Variants in PIBF1 observed in about 807,000 individuals in gnomAD.
PIBF1 encodes progesterone-induced-blocking factor 1.
In PIBF1, 90 loss-of-function variants were observed where a neutral mutation model predicts 112.5. That is an observed-to-expected ratio of 0.80 (90% CI 0.67 to 0.95). PIBF1 has a LOEUF of 0.95. Ranked by LOEUF, PIBF1 falls within the 40% of genes least tolerant of loss-of-function variation. The pLI is 0.00. For missense variants in PIBF1, 915 were observed against 852.3 expected, an observed-to-expected ratio of 1.07 and a Z score of -0.92; for synonymous variants, 301 against 288.6, an observed-to-expected ratio of 1.04 and a Z score of -0.44.
chr13:72,868,381 T>A (rs1200965417), intron 10 of PIBF1, among the ~76,000 whole-genome samples: 1 of 152,078 alleles, frequency 6.6e-6, no homozygotes, highest in Non-Finnish European at 1.5e-5. Flanking sequence ...CCTAGTCTGA[T>A]AGGCTATCCA....
chr13:72,936,760 GT>G (rs201756852), intron 14 of PIBF1, among the ~76,000 whole-genome samples: 1 of 150,658 alleles, frequency 6.6e-6, no homozygotes, highest in African/African-American at 2.4e-5. Flanking sequence ...TTAGCTGGGT[GT>G]TTTTTTTGCA....
chr13:72,914,976 A>G (rs2041031174), intron 12 of PIBF1, among the ~76,000 whole-genome samples: 1 of 152,198 alleles, frequency 6.6e-6, no homozygotes, highest in Admixed American at 6.5e-5. Context: ...TGCATCTCAG[A>G]TTTAATCACC....
intron 10 of PIBF1, among the ~76,000 whole-genome samples, chr13:72,878,031 A>G (rs113160329): frequency 0.022 from 3,344 of 151,954 alleles, 134 homozygotes; most frequent in African/African-American, 0.076. Flanking sequence ...TTACAGGTGT[A>G]AGTCACCATG....
At chr13:72,802,997 G>A (rs1243542317) in intron 5 of PIBF1, among the ~76,000 whole-genome samples, 1 of 152,154 alleles carries the variant, frequency 6.6e-6, no homozygotes, top group Non-Finnish European at 1.5e-5. Flanking sequence ...CTGTTGATAG[G>A]TACAGTTAGA....
intron 11 of PIBF1, among the ~76,000 whole-genome samples, chr13:72,903,968 T>G (rs1204127350): frequency 6.6e-6 from 1 of 152,198 alleles, no homozygotes; most frequent in Non-Finnish European, 1.5e-5. Context: ...TTATGCTCAG[T>G]ACCAATTCAT....
chr13:72,837,525 C>CA (rs2037414742), intron 9 of PIBF1, among the ~76,000 whole-genome samples: 1 of 151,954 alleles, frequency 6.6e-6, no homozygotes, highest in Admixed American at 6.6e-5. Flanking sequence ...TATAAAATAA[C>CA]AGATGTTAAG....
chr13:72,933,096 T>TAAAC (rs989235206), intron 14 of PIBF1, among the ~76,000 whole-genome samples: 1 of 133,560 alleles, frequency 7.5e-6, no homozygotes, highest in Admixed American at 7.6e-5. Flanking sequence ...GAAAAGATAA[T>TAAAC]AAACAAACAA....
chr13:72,891,162 C>T (rs2040040673), intron 10 of PIBF1, among the ~76,000 whole-genome samples: 1 of 151,992 alleles, frequency 6.6e-6, no homozygotes, highest in African/African-American at 2.4e-5. Flanking sequence ...TTTCAGGTGC[C>T]ATGTAATGAA....
At position 72,937,438 on chromosome 13, in the gene PIBF1, T is replaced by C. The variant is rs141195989; in HGVS notation, c.1833+6171T>C. Among the ~76,000 whole-genome samples the C allele has an allele frequency of 2.7e-3, 407 of 152,344 alleles. 2 individuals carry two copies. The highest frequency in any genetic ancestry group is 5.0e-3 in the Non-Finnish European group (342 of 68,030). On this transcript the variant is annotated intron_variant, in intron 14 of 17. Coordinates refer to ENST00000326291, the MANE Select transcript of PIBF1 (RefSeq NM_006346.4). ...CCTTACAACAGTATTCTTCTATTTG[T>C]TCCCCCAGCCTTTGTGTTCTTGTTG...
chr13:72,899,126 G>A (rs529196066), intron 11 of PIBF1, among the ~76,000 whole-genome samples: 123 of 152,004 alleles, frequency 8.1e-4, no homozygotes, highest in African/African-American at 2.8e-3. Flanking sequence ...AGATTGAAAC[G>A]GTAATTTAAA....
chr13:72,881,370 A>G (rs1288296490), intron 10 of PIBF1, among the ~76,000 whole-genome samples: 1 of 152,208 alleles, frequency 6.6e-6, no homozygotes, highest in East Asian at 1.9e-4. Flanking sequence ...AAAATAAATT[A>G]AGAAAGTATT....
At chr13:72,899,546 C>A (rs769256999) in intron 11 of PIBF1, among the ~76,000 whole-genome samples, 1 of 152,106 alleles carries the variant, frequency 6.6e-6, no homozygotes, top group Admixed American at 6.6e-5. Context: ...GCAGAAACAG[C>A]GTTAGACAAA....
At chr13:72,919,005 A>G (rs191341494) in intron 13 of PIBF1, among the ~76,000 whole-genome samples, 4 of 152,250 alleles carry the variant, frequency 2.6e-5, no homozygotes, top group Admixed American at 1.3e-4. Context: ...CGCCGTGCCA[A>G]CTACATCTTA....
At chr13:72,826,945 T>C (rs569545462) in intron 6 of PIBF1, 65 bp from the exon 7 acceptor site, 2 of 883,258 alleles carry the variant, frequency 2.3e-6, no homozygotes, top group East Asian at 2.7e-5. Flanking sequence ...AGTCAACCCT[T>C]TTAAAGTGTA....
intron 17 of PIBF1, among the ~76,000 whole-genome samples, chr13:73,007,624 A>G (rs1381434592): frequency 1.3e-5 from 2 of 152,188 alleles, no homozygotes; most frequent in African/African-American, 4.8e-5. Context: ...AGCCTGACCA[A>G]CATGGAGAAA....
At chr13:72,878,962 AT>A (rs2039515157) in intron 10 of PIBF1, among the ~76,000 whole-genome samples, 1 of 152,092 alleles carries the variant, frequency 6.6e-6, no homozygotes, top group African/African-American at 2.4e-5. Flanking sequence ...ATAATGGTAT[AT>A]TTTTCTCTAT....
intron 10 of PIBF1, among the ~76,000 whole-genome samples, chr13:72,876,462 C>T (rs549298271): frequency 6.6e-6 from 1 of 152,100 alleles, no homozygotes; most frequent in East Asian, 1.9e-4. Context: ...TTGTCTATAT[C>T]CACAAAATAG....
chr13:72,804,199 G>A (rs998126419), intron 5 of PIBF1, among the ~76,000 whole-genome samples: 3 of 151,962 alleles, frequency 2.0e-5, no homozygotes, highest in Non-Finnish European at 4.4e-5. Flanking sequence ...TAACTATAGT[G>A]GGAGAAAAAA....
At chr13:72,939,541 T>C (rs905012139) in intron 14 of PIBF1, among the ~76,000 whole-genome samples, 2 of 152,222 alleles carry the variant, frequency 1.3e-5, no homozygotes, top group African/African-American at 2.4e-5. Context: ...TTCATCCATA[T>C]TGTAGCATGT....
Sources: allele counts gnomAD v4.1 joint callset (sites outside exome capture counted in the v4.1 genomes callset), GRCh38; gene constraint gnomAD v4.1.1; transcripts MANE v1.5; gene names NCBI Gene and HGNC (gene_info 2026-07-23, HGNC 2026-07-21).